The following OPCML variants were observed in gnomAD, a reference collection of about 807,000 sequenced individuals.
OPCML encodes opioid-binding protein/cell adhesion molecule.
Under a neutral mutation model 37.8 loss-of-function variants are expected in OPCML, and 13 were observed. That is an observed-to-expected ratio of 0.34 (90% CI 0.22 to 0.55). OPCML has a LOEUF of 0.55. Among genes scored for constraint, OPCML ranks in the 20% least tolerant of loss-of-function variants. The pLI, the probability that OPCML is intolerant of heterozygous loss-of-function variation, is 0.91. For missense variants in OPCML, 341 were observed against 435.6 expected (o/e 0.78, Z 1.93); for synonymous variants, 176 against 168.8 (o/e 1.04, Z -0.33).
chr11:132,428,323 A>G (rs544021336), intron 7 of OPCML, among the ~76,000 whole-genome samples: 19 of 152,248 alleles, frequency 1.2e-4, no homozygotes, highest in Non-Finnish European at 2.1e-4. Flanking sequence ...TATAGAGGCT[A>G]TAACTGATGC....
At chr11:132,448,842 G>A (rs1187784904) in intron 4 of OPCML, among the ~76,000 whole-genome samples, 1 of 152,190 alleles carries the variant, frequency 6.6e-6, no homozygotes, top group African/African-American at 2.4e-5. Flanking sequence ...TTCAGTAAGT[G>A]TTTTCAGCCC....
chr11:133,324,801 G>C (rs553321475), intron 1 of OPCML, among the ~76,000 whole-genome samples: 1 of 152,172 alleles, frequency 6.6e-6, no homozygotes, highest in East Asian at 1.9e-4. Context: ...TTTTAGTGTA[G>C]AGATGTATAA....
At chr11:132,899,087 A>T (rs942053827) in intron 2 of OPCML, among the ~76,000 whole-genome samples, 2 of 152,174 alleles carry the variant, frequency 1.3e-5, no homozygotes, top group African/African-American at 4.8e-5. Context: ...CTAATGACCC[A>T]GATTCCTCAG....
At chr11:132,781,954 ATT>A (rs10717332) in intron 2 of OPCML, among the ~76,000 whole-genome samples, 8,711 of 107,530 alleles carry the variant, frequency 0.081, 270 homozygotes, top group Middle Eastern at 0.17. Flanking sequence ...ATATATATAT[ATT>A]TTTTTTTTTT....
chr11:133,528,712 C>G (rs567221855), intron 1 of OPCML, among the ~76,000 whole-genome samples: 4 of 152,222 alleles, frequency 2.6e-5, no homozygotes, highest in Admixed American at 6.5e-5. Flanking sequence ...ACGGGCAAAG[C>G]CTGTTTAAGG....
intron 2 of OPCML, among the ~76,000 whole-genome samples, chr11:132,717,701 A>G (rs1944542002): frequency 6.6e-6 from 1 of 152,242 alleles, no homozygotes; most frequent in South Asian, 2.1e-4. Context: ...GAAAGAAAGG[A>G]AGAGCCTTTG....
intron 3 of OPCML, among the ~76,000 whole-genome samples, chr11:132,622,778 C>A (rs774540606): frequency 6.6e-6 from 1 of 152,152 alleles, no homozygotes; most frequent in Non-Finnish European, 1.5e-5. Context: ...GGCTGTAGTG[C>A]CCTTGTCTTG....
chr11:132,861,837 AT>A (rs546801125), intron 2 of OPCML, among the ~76,000 whole-genome samples: 11 of 147,984 alleles, frequency 7.4e-5, no homozygotes, highest in African/African-American at 2.8e-4. Flanking sequence ...TCCATCTCAA[AT>A]AAAAAAAAAA....
At chr11:133,158,247 T>C (rs1303471366) in intron 1 of OPCML, among the ~76,000 whole-genome samples, 2 of 152,208 alleles carry the variant, frequency 1.3e-5, no homozygotes, top group Non-Finnish European at 2.9e-5. Context: ...TGAAGTCCTC[T>C]TCCCCATACC....
At chr11:132,748,299 A>G (rs1945708290) in intron 2 of OPCML, among the ~76,000 whole-genome samples, 1 of 152,108 alleles carries the variant, frequency 6.6e-6, no homozygotes, top group East Asian at 1.9e-4. Flanking sequence ...TGTTTGGTTC[A>G]CTGCATCTTC....
At position 133,140,889 on chromosome 11, in the gene OPCML, C is replaced by CGAA. The variant is rs869149648; in HGVS notation, c.62-197880_62-197879insTTC. On this transcript the variant is annotated intron_variant, in intron 1 of 7. Coordinates refer to ENST00000524381, the MANE Select transcript of OPCML (RefSeq NM_001012393.5). ...ACGACGACGAAGAAGACGACGACGACGACGAAGACGACGACGACGAAGAAG... is the reference window on the plus strand; with the variant it reads ...ACGACGACGAAGAAGACGACGACGACGAAGACGAAGACGACGACGACGAAGAAG... 2.3e-4 allele frequency among the ~76,000 whole-genome samples: 2 copies of CGAA among 8,784 alleles called. 1 individual carries two copies. Among genetic ancestry groups the CGAA allele is most frequent in the Non-Finnish European group, 1.1e-3 (2 of 1,870 alleles). The allele number at this position is 8,784 out of a possible 152,430, so 5.8% of individuals were successfully genotyped here.
intron 1 of OPCML, among the ~76,000 whole-genome samples, chr11:133,152,577 C>A (rs970271293): frequency 6.6e-6 from 1 of 151,910 alleles, no homozygotes; most frequent in East Asian, 1.9e-4. Context: ...TGATCCCCCC[C>A]CAACCTCCAC....
chr11:133,260,351 G>T (rs1365781370), intron 1 of OPCML, among the ~76,000 whole-genome samples: 2 of 152,122 alleles, frequency 1.3e-5, no homozygotes, highest in Non-Finnish European at 2.9e-5. Context: ...TTTGGAAACT[G>T]GCCACTGTGT....
At chr11:132,881,679 T>A (rs964487390) in intron 2 of OPCML, among the ~76,000 whole-genome samples, 2 of 152,148 alleles carry the variant, frequency 1.3e-5, no homozygotes, top group Non-Finnish European at 2.9e-5. Flanking sequence ...ATGGCATGAC[T>A]AGCTCTCTCA....
intron 1 of OPCML, among the ~76,000 whole-genome samples, chr11:133,251,999 C>A (rs984399471): frequency 6.6e-5 from 10 of 152,270 alleles, no homozygotes; most frequent in African/African-American, 1.7e-4. Flanking sequence ...GGCCTCCCCC[C>A]AGAGTCGACA....
At position 133,130,397 on chromosome 11, in the gene OPCML, CCAAA is replaced by C. The variant is rs566915216; in HGVS notation, c.62-187391_62-187388del. On this transcript the variant is annotated intron_variant, in intron 1 of 7. Coordinates refer to ENST00000524381, the MANE Select transcript of OPCML (RefSeq NM_001012393.5). ...TAAAAAATGTTTTTAGAAATATTGG[CCAAA>C]CATTTTTTTCATTTACATTAGCACC... Among the ~76,000 whole-genome samples, 83 of 151,926 alleles carry C rather than the reference CCAAA, an allele frequency of 5.5e-4. 1 individual carries two copies. Among genetic ancestry groups the C allele is most frequent in the Non-Finnish European group, 1.1e-3 (74 of 67,942 alleles).
rs149117685 is a variant in OPCML, at chr11:132,745,049, G to A, written c.147-87730C>T. Among the ~76,000 whole-genome samples, 203 of 152,278 alleles carry A rather than the reference G, an allele frequency of 1.3e-3. 1 individual carries two copies. Among genetic ancestry groups the A allele is most frequent in the African/African-American group, 4.8e-3 (199 of 41,556 alleles). On this transcript the variant is annotated intron_variant, in intron 2 of 7. Transcript: ENST00000524381. ...AATGTCTTTCGGCAGGCTCACTGCT[G>A]CACCAGTCTTTTTCACGCTCTCACA...
intron 2 of OPCML, among the ~76,000 whole-genome samples, chr11:132,840,118 G>A (rs1186560481): frequency 6.6e-6 from 1 of 152,128 alleles, no homozygotes; most frequent in Non-Finnish European, 1.5e-5. Context: ...GGCCACAGCA[G>A]CCATCAGACA....
In OPCML at chr11:132,716,396, ATCTATCTATCTGTCTG is replaced by A. The variant is rs1474160234; in HGVS notation, c.147-59093_147-59078del. 8.1e-3 allele frequency among the ~76,000 whole-genome samples: 383 copies of A among 47,166 alleles called. 1 individual carries two copies. The highest frequency in any genetic ancestry group is 0.043 in the African/African-American group (336 of 7,856). The allele number at this position is 47,166 out of a possible 152,430, so 30.9% of individuals were successfully genotyped here. A position where few individuals can be genotyped will look rare whatever the true frequency, so the allele number is the denominator to read the frequency against. ...TGTCTGTCTATCTGTCTATTTATCT[ATCTATCTATCTGTCTG>A]TCTATCTATCTATCTATCTATCTAT... On this transcript the variant is annotated intron_variant, in intron 2 of 7. Coordinates refer to ENST00000524381, the MANE Select transcript of OPCML (RefSeq NM_001012393.5).
Sources: allele counts gnomAD v4.1 joint callset (sites outside exome capture counted in the v4.1 genomes callset), GRCh38; gene constraint gnomAD v4.1.1; transcripts MANE v1.5; gene names NCBI Gene and HGNC (gene_info 2026-07-23, HGNC 2026-07-21).